The following TASOR variants were observed in gnomAD, a reference collection of about 807,000 sequenced individuals.
TASOR encodes protein TASOR.
In TASOR, 53 loss-of-function variants were observed where a neutral mutation model predicts 178.6. The ratio of observed to expected loss-of-function variants is 0.30; its 90% CI spans 0.24 to 0.37. The LOEUF is 0.37. Ranked by LOEUF, TASOR falls within the 10% of genes least tolerant of loss-of-function variation. The pLI, the probability that TASOR is intolerant of heterozygous loss-of-function variation, is 1.00. For missense variants in TASOR, 1,815 were observed against 1,971.4 expected, an observed-to-expected ratio of 0.92 and a Z score of 1.50; for synonymous variants, 713 against 696.2, an observed-to-expected ratio of 1.02 and a Z score of -0.38.
At position 56,673,678 on chromosome 3, in the gene TASOR, C is replaced by T. The variant is rs2030977174; in HGVS notation, c.379G>A (p.Val127Ile). The change falls in exon 2 of 24, where the codon GTA becomes ATA. Residue 127 changes from valine (V) to isoleucine (I), a missense_variant. Physicochemically the swap from Val to Ile is conservative, Grantham distance 29. Transcript: ENST00000683822. The part of the protein sequence containing the change: ...TPGSREFEDV[V>I]NILHSSYLEP... ...AGGTAAGAAGAATGGAGAATATTTA[C>T]AACATCTTCAAATTCTCGAGAGCCT... The T allele has an allele frequency of 6.5e-7, 1 of 1,550,258 alleles. No individual in the cohort carries two copies. Among genetic ancestry groups the T allele is most frequent in the South Asian group, 1.2e-5 (1 of 83,660 alleles).
At chr3:56,631,582 TTG>T (rs1491190104) in intron 18 of TASOR, among the ~76,000 whole-genome samples, 1 of 118,012 alleles carries the variant, frequency 8.5e-6, no homozygotes. Context: ...CTGTGTTTTT[TTG>T]TTTTTTTTTT....
chr3:56,621,291 C>CT lies in TASOR; in HGVS notation c.*1745dup. ...TCATTTACCCCCATAGTTATGGAGT[C>CT]TTGAGTTCTAAGAAAATTTTCATCC... is the stretch of plus-strand genomic sequence containing the variant. On this transcript the variant is annotated 3_prime_UTR_variant, in exon 24 of 24. Coordinates refer to ENST00000683822, the MANE Select transcript of TASOR (RefSeq NM_001365635.2). 1 of 322,486 alleles carries CT rather than the reference C, an allele frequency of 3.1e-6. No homozygotes were observed. Among genetic ancestry groups the CT allele is most frequent in the Non-Finnish European group, 5.7e-6 (1 of 176,444 alleles). The allele number at this position is 322,486 out of a possible 1,614,324, so 20.0% of individuals were successfully genotyped here.
At chr3:56,639,273 A>G (rs1447250597) in intron 16 of TASOR, among the ~76,000 whole-genome samples, 1 of 151,936 alleles carries the variant, frequency 6.6e-6, no homozygotes, top group Non-Finnish European at 1.5e-5. Flanking sequence ...TTAGAGGTGT[A>G]GGACTGGAAA....
Position 56,633,612 on chromosome 3 carries a change from C to T in TASOR, c.3179G>A (p.Arg1060Gln), listed in dbSNP as rs139788090. Reference protein sequence around the residue: ...PIFSTQEKMKRLSEFIYSKTS... With the variant: ...PIFSTQEKMKQLSEFIYSKTS... The stretch of plus-strand genomic sequence containing the variant: ...CTTAGAATATATGAACTCGGAAAGC[C>T]GTTTCATCTTCTCTTGTGTTGAAAA... Residue 1060 changes from arginine (R) to glutamine (Q), a missense_variant, in exon 18 of 24, where the codon CGG becomes CAG. Physicochemically the swap from Arg to Gln is conservative, Grantham distance 43. This residue lies in a region of TASOR where 655 missense variants were observed against 671.1 expected (regional missense o/e 0.98). Transcript: ENST00000683822. 3.1e-4 allele frequency: 498 copies of T among 1,613,918 alleles called. 5 individuals carry two copies. In the Middle Eastern group the frequency reaches 3.1e-3, roughly 10 times the overall value.
intron 11 of TASOR, among the ~76,000 whole-genome samples, chr3:56,659,495 G>C (rs2077547194): frequency 6.6e-6 from 1 of 152,026 alleles, no homozygotes; most frequent in Non-Finnish European, 1.5e-5. Flanking sequence ...ACCCAAACTA[G>C]ATATGCTTCA....
Position 56,623,161 on chromosome 3 carries a change from T to C in TASOR, c.4889A>G (p.Gln1630Arg). 6.2e-7 allele frequency: 1 copy of C among 1,613,872 alleles called. No individual in the cohort carries two copies. Among genetic ancestry groups the C allele is most frequent in the Non-Finnish European group, 8.5e-7 (1 of 1,179,854 alleles). The change falls in exon 24 of 24, where the codon CAG becomes CGG. Residue 1630 changes from glutamine (Q) to arginine (R), a missense_variant. Around this residue, in one of 5 missense-constraint regions of TASOR, gnomAD observed 278 missense variants for 257.1 expected, o/e 1.08. Coordinates refer to ENST00000683822, the MANE Select transcript of TASOR (RefSeq NM_001365635.2). ...LGTPYALSSS[Q>R]SQENENYFLS... ...GAAGTAATTCTCATTTTCTTGAGACTGACTTGATGAAAGGGCATATGGTGT... is the reference window on the plus strand; with the variant it reads ...GAAGTAATTCTCATTTTCTTGAGACCGACTTGATGAAAGGGCATATGGTGT...
chr3:56,675,560 T>C (rs1484858712), intron 1 of TASOR, among the ~76,000 whole-genome samples: 2 of 135,532 alleles, frequency 1.5e-5, no homozygotes, highest in African/African-American at 5.9e-5. Context: ...ATTTCCATCT[T>C]ATGCACAAAA....
At chr3:56,631,158 C>G (rs1344793097) in intron 18 of TASOR, among the ~76,000 whole-genome samples, 1 of 152,112 alleles carries the variant, frequency 6.6e-6, no homozygotes, top group African/African-American at 2.4e-5. Context: ...TTCATTTTCC[C>G]AAGAAACCAT....
At chr3:56,657,616 A>C (rs1450053163) in intron 11 of TASOR, among the ~76,000 whole-genome samples, 1 of 152,204 alleles carries the variant, frequency 6.6e-6, no homozygotes, top group Non-Finnish European at 1.5e-5. Flanking sequence ...AGTGGGGTAG[A>C]TTAAGAGATT....
At chr3:56,677,722 T>C (rs2031435125) in intron 1 of TASOR, among the ~76,000 whole-genome samples, 1 of 152,206 alleles carries the variant, frequency 6.6e-6, no homozygotes, top group Admixed American at 6.5e-5. Flanking sequence ...GAAGTTAATA[T>C]AAAAGAACAA....
chr3:56,666,810 A>C (rs905819272), intron 6 of TASOR, among the ~76,000 whole-genome samples: 1 of 152,232 alleles, frequency 6.6e-6, no homozygotes, highest in Non-Finnish European at 1.5e-5. Context: ...AATTGCAAAC[A>C]AAGTAGCAAA....
In TASOR at chr3:56,633,154, C is replaced by G; in HGVS notation, c.3637G>C (p.Glu1213Gln). 1 of 1,614,156 alleles carries G rather than the reference C, an allele frequency of 6.2e-7. No individual in the cohort carries two copies. The highest frequency in any genetic ancestry group is 1.1e-5 in the South Asian group (1 of 91,074). The change falls in exon 18 of 24, where the codon GAA (glutamate) becomes CAA (glutamine). Residue 1213 changes from glutamate to glutamine, a missense_variant. Coordinates refer to ENST00000683822, the MANE Select transcript of TASOR (RefSeq NM_001365635.2). Reference protein sequence around the residue: ...PALSNFISQLEPEVFNSLVKI... With the variant: ...PALSNFISQLQPEVFNSLVKI... ...ACCAAACTATTAAATACTTCAGGTTCTAACTGGCTTATAAAATTTGAAAGA... is the reference window on the plus strand; with the variant it reads ...ACCAAACTATTAAATACTTCAGGTTGTAACTGGCTTATAAAATTTGAAAGA...
Position 56,621,660 on chromosome 3 carries a change from A to AAATT in TASOR, c.*1373_*1376dup, listed in dbSNP as rs1553718879. 1 of 1,360,102 alleles carries AAATT rather than the reference A, an allele frequency of 7.4e-7. No homozygotes were observed. The allele number at this position is 1,360,102 out of a possible 1,614,324, so 84.3% of individuals were successfully genotyped here. A position where few individuals can be genotyped will look rare whatever the true frequency, so the allele number is the denominator to read the frequency against. ...CCTTCACATTTGATTTGTGTCTTCC[A>AAATT]AATTATAAAATGTGCTCACTGGCTC... On this transcript the variant is annotated 3_prime_UTR_variant, in exon 24 of 24. Transcript: ENST00000683822.
intron 11 of TASOR, among the ~76,000 whole-genome samples, chr3:56,652,722 C>T (rs2077378433): frequency 6.6e-6 from 1 of 152,070 alleles, no homozygotes; most frequent in South Asian, 2.1e-4. Flanking sequence ...TTAACAAGAA[C>T]CTGCTATAAA....
At chr3:56,659,760 A>G (rs2077551870) in intron 11 of TASOR, among the ~76,000 whole-genome samples, 4 of 152,144 alleles carry the variant, frequency 2.6e-5, no homozygotes. Context: ...ATTTCCAAAC[A>G]CTTGAACACT....
intron 9 of TASOR, among the ~76,000 whole-genome samples, chr3:56,661,896 G>A (rs9826788): frequency 0.21 from 32,353 of 152,010 alleles, 4,259 homozygotes; most frequent in South Asian, 0.41. Context: ...AGGCCAAGGC[G>A]GGAGGATCAT....
chr3:56,628,696 G>T, intron 18 of TASOR, 82 bp from the exon 19 acceptor site: 1 of 930,218 alleles, frequency 1.1e-6, no homozygotes, highest in Non-Finnish European at 1.6e-6. Context: ...AAGATAAACT[G>T]ATAAGCTTAA....
intron 1 of TASOR, among the ~76,000 whole-genome samples, chr3:56,681,824 T>G (rs889524386): frequency 6.6e-6 from 1 of 152,164 alleles, no homozygotes; most frequent in African/African-American, 2.4e-5. Flanking sequence ...GGCATTAAGA[T>G]TTTTTAAAAG....
intron 2 of TASOR, 94 bp downstream of exon 2, chr3:56,673,486 C>G: frequency 1.4e-6 from 1 of 729,154 alleles, no homozygotes; most frequent in African/African-American, 1.9e-5. Context: ...ATTTGGTTTT[C>G]CTAAAAATTT....
Sources: allele counts gnomAD v4.1 joint callset (sites outside exome capture counted in the v4.1 genomes callset), GRCh38; gene constraint gnomAD v4.1.1; regional missense constraint gnomAD v4.1.1; transcripts MANE v1.5; gene names NCBI Gene and HGNC (gene_info 2026-07-23, HGNC 2026-07-21).